Variants in CDKL3 observed in about 807,000 individuals in gnomAD.
CDKL3 encodes cyclin dependent kinase like 3.
CDKL3 carries 65 observed loss-of-function variants against 69.3 expected under a neutral mutation model. The observed-to-expected ratio is 0.94, with a 90% confidence interval of 0.77 to 1.15. The LOEUF (loss-of-function observed/expected upper bound fraction) is 1.15, where lower values mean the gene tolerates loss of function less well. Ranked by LOEUF, CDKL3 falls within the 50% of genes most tolerant of loss-of-function variation. CDKL3 has a pLI of 0.00. For synonymous variants in CDKL3, 202 were observed against 221.6 expected, an observed-to-expected ratio of 0.91 and a Z score of 0.79; for missense variants, 652 against 689.2, an observed-to-expected ratio of 0.95 and a Z score of 0.61.
At chr5:134,365,390 G>A (rs1273024016) in intron 2 of CDKL3, among the ~76,000 whole-genome samples, 1 of 149,598 alleles carries the variant, frequency 6.7e-6, no homozygotes, top group Non-Finnish European at 1.5e-5. Context: ...AAAGTGCTGG[G>A]ATTACAAGCG....
chr5:134,345,898 T>C (rs993635777), intron 4 of CDKL3, among the ~76,000 whole-genome samples: 6 of 152,158 alleles, frequency 3.9e-5, no homozygotes, highest in South Asian at 2.1e-4. Context: ...ATAATAACAA[T>C]TGTGTCCAGG....
intron 4 of CDKL3, among the ~76,000 whole-genome samples, chr5:134,339,608 A>G (rs1023011247): frequency 2.8e-4 from 43 of 152,352 alleles, no homozygotes; most frequent in African/African-American, 9.6e-4. Flanking sequence ...CAACAATAGA[A>G]TATACATTTA....
At chr5:134,369,364 C>T (rs1025798207), upstream of CDKL3, among the ~76,000 whole-genome samples, 6 of 152,200 alleles carry the variant, frequency 3.9e-5, no homozygotes, top group East Asian at 1.9e-4. Flanking sequence ...TTCAGGACTT[C>T]GTTGGTGGGT....
At chr5:134,353,723 C>A (rs911764755) in intron 3 of CDKL3, among the ~76,000 whole-genome samples, 1 of 152,024 alleles carries the variant, frequency 6.6e-6, no homozygotes. Flanking sequence ...CCATGCCCAG[C>A]TAATTTTTGT....
upstream of CDKL3, chr5:134,367,319 G>A (rs1383028845): frequency 4.1e-6 from 4 of 984,188 alleles, no homozygotes; most frequent in Non-Finnish European, 2.4e-6. Flanking sequence ...TGTCGCAGCT[G>A]AGCCTCCTCA....
intron 4 of CDKL3, among the ~76,000 whole-genome samples, chr5:134,340,838 C>T (rs1750299966): frequency 6.6e-6 from 1 of 152,088 alleles, no homozygotes; most frequent in African/African-American, 2.4e-5. Flanking sequence ...AGAAGGAACA[C>T]ATCCCATCTC....
At chr5:134,343,019 A>T (rs958044100) in intron 4 of CDKL3, among the ~76,000 whole-genome samples, 29 of 152,150 alleles carry the variant, frequency 1.9e-4, no homozygotes, top group Non-Finnish European at 4.4e-5. Context: ...AGCCGGGCCA[A>T]CGTGGTGAAA....
chr5:134,369,086 G>A (rs1305678856), upstream of CDKL3, among the ~76,000 whole-genome samples: 8 of 152,112 alleles, frequency 5.3e-5, no homozygotes, highest in African/African-American at 1.4e-4. Context: ...TGCCCTCAAT[G>A]AACTCATAAT....
chr5:134,299,787 C>T, intron 12 of CDKL3: 2 of 1,329,088 alleles, frequency 1.5e-6, no homozygotes, highest in Non-Finnish European at 2.1e-6. Flanking sequence ...TAATTGAGGA[C>T]ATGGTGAGTC....
chr5:134,314,434 T>C (rs1343013099), intron 6 of CDKL3, among the ~76,000 whole-genome samples: 1 of 152,204 alleles, frequency 6.6e-6, no homozygotes, highest in African/African-American at 2.4e-5. Context: ...ACCCAGCCAT[T>C]CTGTTCTTAG....
At chr5:134,347,845 T>C (rs984545216) in intron 4 of CDKL3, among the ~76,000 whole-genome samples, 2 of 151,968 alleles carry the variant, frequency 1.3e-5, no homozygotes, top group South Asian at 2.1e-4. Flanking sequence ...TGAAAGCAGA[T>C]AGGAGTTTAT....
intron 2 of CDKL3, among the ~76,000 whole-genome samples, chr5:134,362,741 C>G (rs1365966494): frequency 1.3e-5 from 2 of 152,036 alleles, no homozygotes; most frequent in Non-Finnish European, 2.9e-5. Context: ...TCAGCCTGGG[C>G]AACATGGTGA....
chr5:134,315,932 T>C (rs1017828714), intron 6 of CDKL3, among the ~76,000 whole-genome samples: 1 of 152,096 alleles, frequency 6.6e-6, no homozygotes, highest in Non-Finnish European at 1.5e-5. Context: ...TATAAATCCT[T>C]TGGCTTACTA....
chr5:134,348,008 T>G (rs1017576909), intron 4 of CDKL3, among the ~76,000 whole-genome samples: 1 of 152,156 alleles, frequency 6.6e-6, no homozygotes, highest in African/African-American at 2.4e-5. Context: ...TTTAAATAGG[T>G]GACTTGTAAG....
upstream of CDKL3, chr5:134,367,290 G>C: frequency 1.0e-6 from 1 of 985,376 alleles, no homozygotes; most frequent in Non-Finnish European, 1.2e-6. Context: ...TGGGAATGGG[G>C]GAGGGGAGTA....
chr5:134,322,028 G>GT (rs998030427), intron 4 of CDKL3, 125 bp from the exon 5 acceptor site: 99 of 639,238 alleles, frequency 1.5e-4, no homozygotes, highest in Non-Finnish European at 1.7e-4. Flanking sequence ...GTTTTGTTTT[G>GT]TTTTTTTTCG....
intron 8 of CDKL3, among the ~76,000 whole-genome samples, chr5:134,287,070 G>T (rs1292598130): frequency 6.6e-6 from 1 of 152,084 alleles, no homozygotes; most frequent in African/African-American, 2.4e-5. Context: ...AACTGCCAGG[G>T]AAACAGGTAG....
chr5:134,307,066 G>C (rs538790759), intron 9 of CDKL3, among the ~76,000 whole-genome samples: 92 of 152,150 alleles, frequency 6.0e-4, no homozygotes, highest in African/African-American at 2.1e-3. Flanking sequence ...AAATGCCTTT[G>C]TTTTAGCTTC....
At chr5:134,315,243 A>C (rs1312994175) in intron 6 of CDKL3, among the ~76,000 whole-genome samples, 2 of 152,230 alleles carry the variant, frequency 1.3e-5, no homozygotes, top group African/African-American at 2.4e-5. Context: ...AAGTTTTGCA[A>C]ACATATTGCA....
Sources: allele counts gnomAD v4.1 joint callset (sites outside exome capture counted in the v4.1 genomes callset), GRCh38; gene constraint gnomAD v4.1.1; transcripts MANE v1.5; gene names NCBI Gene and HGNC (gene_info 2026-07-23, HGNC 2026-07-21).